Variants in IQCE observed in about 807,000 individuals in gnomAD.
IQCE encodes IQ motif containing E.
A neutral mutation model predicts 96.0 loss-of-function variants in IQCE; 115 were observed. The ratio of observed to expected loss-of-function variants is 1.20; its 90% CI spans 1.03 to 1.40. The LOEUF is 1.40. IQCE is among the 40% of genes most tolerant of loss of function. The probability of loss-of-function intolerance (pLI) is 0.00; values close to 1 mark genes in which losing one functional copy is unlikely to be tolerated. For missense variants in IQCE, 1,041 were observed against 909.1 expected, an observed-to-expected ratio of 1.15 and a Z score of -1.87; for synonymous variants, 412 against 371.2, an observed-to-expected ratio of 1.11 and a Z score of -1.26.
chr7:2,582,517 G>A (rs1340129150), intron 8 of IQCE, 63 bp from the exon 9 acceptor site: 3 of 1,414,256 alleles, frequency 2.1e-6, no homozygotes, highest in Non-Finnish European at 3.0e-6. Context: ...GGCAGGAGGG[G>A]ACAGCCGCTT....
chr7:2,598,262 G>A (rs1784194361), intron 16 of IQCE: 2 of 497,954 alleles, frequency 4.0e-6, no homozygotes, highest in East Asian at 3.1e-5. Context: ...TTGTGTGCTC[G>A]CCTAGACGCT....
At chr7:2,576,449 C>T (rs1254385094) in intron 6 of IQCE, among the ~76,000 whole-genome samples, 6 of 151,882 alleles carry the variant, frequency 4.0e-5, no homozygotes, top group South Asian at 4.2e-4. Flanking sequence ...GTCTCACTCT[C>T]GTCTAGGCTG....
At position 2,610,069 on chromosome 7, in the gene IQCE, C is replaced by G. The variant is rs889289717; in HGVS notation, c.1995C>G (p.Ala665=). The G allele has an allele frequency of 8.1e-6, 13 of 1,608,350 alleles. No individual in the cohort carries two copies. In the East Asian group the frequency reaches 1.3e-4, roughly 17 times the overall value. ...ACCCCTCTCCCTCAGGGCCACAGGC[C>G]TTGGCACCTCTACCTGGGGATGACG... ...LPDPSPSGPQ[A]LAPLPGDDVN... is the part of the protein sequence containing the mutation. The change falls in exon 22 of 22, where the codon GCC becomes GCG. Residue 665 remains alanine (A), a synonymous_variant. Coordinates refer to ENST00000402050, the MANE Select transcript of IQCE (RefSeq NM_152558.5).
At chr7:2,594,530 G>A (rs925654798) in intron 15 of IQCE, among the ~76,000 whole-genome samples, 2 of 152,256 alleles carry the variant, frequency 1.3e-5, no homozygotes, top group African/African-American at 2.4e-5. Flanking sequence ...AGAGGGTTGG[G>A]ATCACAGGCG....
At chr7:2,605,182 C>T (rs1012197559) in intron 19 of IQCE, among the ~76,000 whole-genome samples, 191 bp downstream of exon 19, 4 of 152,222 alleles carry the variant, frequency 2.6e-5, no homozygotes, top group African/African-American at 7.2e-5. Context: ...GCACAGGCCC[C>T]GGATGGATGT....
At chr7:2,595,216 A>G (rs1312364819) in intron 16 of IQCE, among the ~76,000 whole-genome samples, 1 of 152,112 alleles carries the variant, frequency 6.6e-6, no homozygotes, top group Non-Finnish European at 1.5e-5. Context: ...GCTGGTGAGT[A>G]AAGAGTTTTC....
intron 14 of IQCE, among the ~76,000 whole-genome samples, 162 bp from the exon 15 acceptor site, chr7:2,592,860 T>G (rs578259364): frequency 7.9e-5 from 12 of 152,356 alleles, no homozygotes; most frequent in African/African-American, 2.4e-4. Flanking sequence ...AGGTCTGTCC[T>G]TGGCAATGTG....
chr7:2,559,215 A>G lies in IQCE; in HGVS notation c.34A>G (p.Thr12Ala). 1 of 1,211,966 alleles carries G rather than the reference A, an allele frequency of 8.3e-7. No homozygotes were observed. Among genetic ancestry groups the G allele is most frequent in the Non-Finnish European group, 1.0e-6 (1 of 974,390 alleles). The allele number at this position is 1,211,966 out of a possible 1,614,324, so 75.1% of individuals were successfully genotyped here. ...FLGTGEPALD[T>A]GDDSLSAVTF... ...GGGCACCGGGGAGCCGGCCTTGGAC[A>G]CGGTAAGAACGGGCGAGGGGGCGAC... is the stretch of plus-strand genomic sequence containing the variant. Residue 12 changes from threonine to alanine, a missense_variant and splice_region_variant, in exon 1 of 22, where the codon ACG becomes GCG. Thr to Ala is a moderately conservative substitution (Grantham distance 58). Transcript: ENST00000402050.
chr7:2,573,566 G>A lies in IQCE; in HGVS notation c.465+78G>A, dbSNP rs542733966. On this transcript the variant is annotated intron_variant, in intron 6 of 21. Transcript: ENST00000402050. Reference sequence around the variant, plus strand: ...ACAATGTATTAGAACATCAGTGCCTGTGCTGGGAGGTGCCCAGATGGGAAG... The same window carrying A: ...ACAATGTATTAGAACATCAGTGCCTATGCTGGGAGGTGCCCAGATGGGAAG... 1.0e-5 allele frequency: 8 copies of A among 776,260 alleles called. No individual in the cohort carries two copies. The Admixed American group carries it at 1.9e-4, about 18-fold the overall frequency. 48.1% of individuals were successfully genotyped at this position (776,260 alleles called of 1,614,324 possible). A position where few individuals can be genotyped will look rare whatever the true frequency, so the allele number is the denominator to read the frequency against.
chr7:2,595,028 C>T (rs760370813), intron 16 of IQCE, 52 bp downstream of exon 16: 14 of 1,290,608 alleles, frequency 1.1e-5, no homozygotes, highest in Middle Eastern at 1.9e-4. Context: ...AGACTTTGGT[C>T]GTGACGGTTC....
rs1688284598 is a variant in IQCE at position 2,614,370 on chromosome 7, A to C, written c.*4208A>C. 6.6e-6 allele frequency: 1 copy of C among 152,208 alleles called. No homozygotes were observed. Among genetic ancestry groups the C allele is most frequent in the Non-Finnish European group, 1.5e-5 (1 of 68,036 alleles). 9.4% of individuals were successfully genotyped at this position (152,208 alleles called of 1,614,324 possible). A position where few individuals can be genotyped will look rare whatever the true frequency, so the allele number is the denominator to read the frequency against. Reference sequence around the variant, plus strand: ...TCTCTGAGGACCAGGGAGTTGACACACAAACCCCGCCATGGGTCCGAGCCA... The same window carrying C: ...TCTCTGAGGACCAGGGAGTTGACACCCAAACCCCGCCATGGGTCCGAGCCA... On this transcript the variant is annotated 3_prime_UTR_variant, in exon 22 of 22. Coordinates refer to ENST00000402050, the MANE Select transcript of IQCE (RefSeq NM_152558.5).
chr7:2,567,513 G>C (rs1203288842), intron 2 of IQCE, among the ~76,000 whole-genome samples: 1 of 152,218 alleles, frequency 6.6e-6, no homozygotes, highest in Non-Finnish European at 1.5e-5. Flanking sequence ...CCCGATGGGA[G>C]AAAGCAGACC....
At position 2,605,947 on chromosome 7, in the gene IQCE, C is replaced by T. The variant is rs762036461; in HGVS notation, c.1815C>T (p.Ile605=). The change falls in exon 20 of 22, where the codon ATC becomes ATT. Residue 605 remains isoleucine, a synonymous_variant. Transcript: ENST00000402050. ...GCAGCCCTGTGCAGGAGGAGGCCAT[C>T]GTCATCATCCAGTCCGCTCTGCGGG... ...ATGSPVQEEA[I]VIIQSALRAH... is the part of the protein sequence containing the mutation. 29 of 1,611,312 alleles carry T rather than the reference C, an allele frequency of 1.8e-5. 1 individual carries two copies. Among genetic ancestry groups the T allele is most frequent in the African/African-American group, 2.7e-5 (2 of 74,844 alleles).
chr7:2,564,134 G>C (rs11761450), intron 1 of IQCE, among the ~76,000 whole-genome samples: 75,210 of 151,514 alleles, frequency 0.5, 20,495 homozygotes, highest in African/African-American at 0.73. Context: ...ATTGCTTTAA[G>C]CTGGGAGGCG....
At chr7:2,589,126 G>A (rs928337195) in intron 13 of IQCE, among the ~76,000 whole-genome samples, 21 of 152,162 alleles carry the variant, frequency 1.4e-4, no homozygotes, top group Admixed American at 7.2e-4. Flanking sequence ...CCAGTACTTT[G>A]GGAGGCTAAG....
At chr7:2,567,039 T>C in intron 1 of IQCE, 77 bp from the exon 2 acceptor site, 1 of 1,289,350 alleles carries the variant, frequency 7.8e-7, no homozygotes, top group South Asian at 1.2e-5. Context: ...GGACGGGCTG[T>C]TTTCGCTTTT....
intron 1 of IQCE, among the ~76,000 whole-genome samples, chr7:2,563,450 TCC>T (rs1781126244): frequency 1.3e-5 from 2 of 151,594 alleles, no homozygotes; most frequent in Non-Finnish European, 2.9e-5. Flanking sequence ...GGTTTTGAAC[TCC>T]TGGGCTTTGA....
At chr7:2,604,737 CTT>C in intron 18 of IQCE, 142 bp from the exon 19 acceptor site, 1 of 621,492 alleles carries the variant, frequency 1.6e-6, no homozygotes, top group Non-Finnish European at 2.9e-6. Context: ...ACGGACGGCT[CTT>C]TGAGAGAACG....
At chr7:2,609,938 C>T in intron 21 of IQCE, 106 bp from the exon 22 acceptor site, 1 of 683,684 alleles carries the variant, frequency 1.5e-6, no homozygotes, top group East Asian at 2.5e-5. Flanking sequence ...CTCGGGGTGG[C>T]TGCCGTCTTG....
Sources: gnomAD v4.1 joint callset for allele counts (sites outside exome capture counted in the v4.1 genomes callset) on GRCh38, gnomAD v4.1.1 for gene constraint, MANE v1.5 for transcripts, NCBI Gene and HGNC (gene_info 2026-07-23, HGNC 2026-07-21) for gene names.